CSMD2: variants seen among roughly 807,000 people sequenced by gnomAD.
The protein encoded by CSMD2 is CUB and sushi domain-containing protein 2.
Under a neutral mutation model 398.5 loss-of-function variants are expected in CSMD2, and 130 were observed. The ratio of observed to expected loss-of-function variants is 0.33; its 90% confidence interval spans 0.28 to 0.38. CSMD2 has a LOEUF of 0.38. Among genes scored for constraint, CSMD2 ranks in the 10% least tolerant of loss-of-function variants. CSMD2 has a pLI of 1.00. For synonymous variants in CSMD2, 1,828 were observed against 1,908.5 expected (o/e 0.96, Z 1.10); for missense variants, 3,829 against 4,764.9 (o/e 0.80, Z 5.78).
At chr1:34,053,523 C>G (rs993545105) in intron 2 of CSMD2, among the ~76,000 whole-genome samples, 6 of 152,144 alleles carry the variant, frequency 3.9e-5, no homozygotes, top group African/African-American at 1.4e-4. Flanking sequence ...TTGCGGTGCT[C>G]TACTACCCTA....
intron 1 of CSMD2, among the ~76,000 whole-genome samples, chr1:34,127,501 G>A (rs1365627582): frequency 6.6e-6 from 1 of 152,116 alleles, no homozygotes; most frequent in Non-Finnish European, 1.5e-5. Context: ...CAGGAGTGAG[G>A]GGAGGAGGAG....
At chr1:33,731,307 G>GA (rs550283576) in intron 15 of CSMD2, among the ~76,000 whole-genome samples, 52 of 152,164 alleles carry the variant, frequency 3.4e-4, no homozygotes, top group Admixed American at 3.3e-3. Context: ...TTCAGCTTAT[G>GA]AAAAAATAAA....
chr1:34,115,415 C>T (rs570464232), intron 1 of CSMD2, among the ~76,000 whole-genome samples: 2 of 152,246 alleles, frequency 1.3e-5, no homozygotes, highest in South Asian at 2.1e-4. Flanking sequence ...ATAAACATTA[C>T]AAGCCCAGAG....
At chr1:33,998,522 G>A (rs1646797782) in intron 3 of CSMD2, among the ~76,000 whole-genome samples, 1 of 152,208 alleles carries the variant, frequency 6.6e-6, no homozygotes, top group Admixed American at 6.5e-5. Flanking sequence ...TGTCTGCCCA[G>A]CTTCGTTAAC....
intron 1 of CSMD2, among the ~76,000 whole-genome samples, chr1:34,116,143 A>G (rs1350829578): frequency 6.6e-6 from 1 of 152,102 alleles, no homozygotes; most frequent in Admixed American, 6.5e-5. Context: ...CTCAGCAATC[A>G]AAAGACATAA....
intron 40 of CSMD2, among the ~76,000 whole-genome samples, chr1:33,612,780 C>T (rs1641100559): frequency 2.0e-5 from 3 of 151,654 alleles, no homozygotes; most frequent in Non-Finnish European, 4.4e-5. Context: ...CTCCCGGGTT[C>T]ACACCATTCT....
intron 44 of CSMD2, among the ~76,000 whole-genome samples, chr1:33,595,001 A>G (rs1039333339): frequency 1.3e-5 from 2 of 152,234 alleles, no homozygotes; most frequent in African/African-American, 4.8e-5. Context: ...CCTACAAACT[A>G]GCACATTCTC....
At chr1:33,804,813 C>A (rs1198372400) in intron 10 of CSMD2, 1 of 717,330 alleles carries the variant, frequency 1.4e-6, no homozygotes, top group Non-Finnish European at 2.6e-6. Flanking sequence ...TCCCAGAAGA[C>A]AACTTCTATT....
rs138922446 is a variant in CSMD2 at position 33,636,493 on chromosome 1, G to A, written c.4836C>T (p.Ser1612=). 2.7e-5 allele frequency: 44 copies of A among 1,614,158 alleles called. 1 individual carries two copies. The highest frequency in any genetic ancestry group is 1.6e-4 in the Middle Eastern group (1 of 6,062). The change falls in exon 30 of 71, where the codon TCC becomes TCT. Residue 1612 remains serine, a synonymous_variant. Transcript: ENST00000373381. The surrounding 1 kb of genome is among the most constrained non-coding windows in gnomAD (Gnocchi z 4.8). ...GSIKNGTRVG[S]DLKLGSSVTY... Reference sequence around the variant, plus strand: ...TGACGGAGGAGCCCAGCTTCAGGTCGGACCCCACCCGTGTGCCGTTCTTGA... The same window carrying A: ...TGACGGAGGAGCCCAGCTTCAGGTCAGACCCCACCCGTGTGCCGTTCTTGA...
At chr1:33,547,245 G>A (rs932944801) in intron 56 of CSMD2, among the ~76,000 whole-genome samples, 15 of 152,212 alleles carry the variant, frequency 9.9e-5, no homozygotes, top group African/African-American at 3.6e-4. Context: ...GAAGGGTAGA[G>A]AACAGGAGAC....
At chr1:34,064,393 G>C (rs972788011) in intron 2 of CSMD2, among the ~76,000 whole-genome samples, 2 of 152,152 alleles carry the variant, frequency 1.3e-5, no homozygotes, top group African/African-American at 4.8e-5. Flanking sequence ...TCTTCTGCCA[G>C]ATACCCTAAA....
At chr1:33,866,879 C>A (rs1265352203) in intron 5 of CSMD2, among the ~76,000 whole-genome samples, 2 of 152,242 alleles carry the variant, frequency 1.3e-5, no homozygotes, top group Non-Finnish European at 1.5e-5. Context: ...GAGGATAATG[C>A]CTGCCTTACA....
In CSMD2 at chr1:33,878,675, C is replaced by T. The variant is rs190948263; in HGVS notation, c.921-31679G>A. 4.4e-3 allele frequency among the ~76,000 whole-genome samples: 665 copies of T among 152,252 alleles called. 6 individuals carry two copies. The highest frequency in any genetic ancestry group is 7.3e-3 in the Non-Finnish European group (495 of 67,974). ...AAACTCTCTGTGTCCGAAAGACACC[C>T]TTGGAAGGTCAGAGCTGGAAGGACA... is the stretch of plus-strand genomic sequence containing the variant. On this transcript the variant is annotated intron_variant, in intron 5 of 70. Transcript: ENST00000373381.
chr1:33,808,397 A>G (rs1656471700), intron 10 of CSMD2, among the ~76,000 whole-genome samples: 1 of 152,136 alleles, frequency 6.6e-6, no homozygotes, highest in Admixed American at 6.5e-5. Flanking sequence ...AATGATTCAA[A>G]TACAGATCAA....
chr1:33,668,595 T>C (rs537879663), intron 25 of CSMD2, among the ~76,000 whole-genome samples: 5 of 152,226 alleles, frequency 3.3e-5, no homozygotes, highest in Non-Finnish European at 7.3e-5. Context: ...GTGGTTTGTG[T>C]GAGCAGCTCC....
At chr1:33,837,467 T>TG (rs1660418556) in intron 6 of CSMD2, among the ~76,000 whole-genome samples, 1 of 151,720 alleles carries the variant, frequency 6.6e-6, no homozygotes, top group Non-Finnish European at 1.5e-5. Context: ...AAAGAAGTTT[T>TG]TTACTATCAA....
intron 1 of CSMD2, among the ~76,000 whole-genome samples, chr1:34,134,929 T>C (rs1638562317): frequency 6.6e-6 from 1 of 152,198 alleles, no homozygotes; most frequent in Non-Finnish European, 1.5e-5. Flanking sequence ...GATGGAGCAG[T>C]GGTTCCTTGA....
At chr1:33,809,406 TTA>T (rs1656600361) in intron 10 of CSMD2, among the ~76,000 whole-genome samples, 2 of 151,994 alleles carry the variant, frequency 1.3e-5, no homozygotes, top group Admixed American at 6.6e-5. Context: ...AGGAGAAAAA[TTA>T]TATGATTGTA....
intron 13 of CSMD2, among the ~76,000 whole-genome samples, chr1:33,751,626 A>T (rs1007775153): frequency 6.6e-6 from 1 of 152,080 alleles, no homozygotes; most frequent in Admixed American, 6.6e-5. Flanking sequence ...GATACTTTTT[A>T]AAATTATTAT....
Sources: gnomAD v4.1 joint callset for allele counts (sites outside exome capture counted in the v4.1 genomes callset) on GRCh38, gnomAD v4.1.1 for gene constraint, Gnocchi (gnomAD v3.1) non-coding constraint, MANE v1.5 for transcripts, NCBI Gene and HGNC (gene_info 2026-07-23, HGNC 2026-07-21) for gene names.